STX8: variants seen among roughly 807,000 people sequenced by gnomAD.
STX8 encodes the protein syntaxin 8.
Under a neutral mutation model 37.5 loss-of-function variants are expected in STX8, and 23 were observed. That is an observed-to-expected ratio of 0.61 (90% confidence interval 0.44 to 0.87). The LOEUF is 0.87. Among genes scored for constraint, STX8 ranks in the 40% least tolerant of loss-of-function variants. The probability of loss-of-function intolerance (pLI) is 0.00; values close to 1 mark genes in which losing one functional copy is unlikely to be tolerated. For synonymous variants in STX8, 115 were observed against 99.1 expected (o/e 1.16, Z -0.95); for missense variants, 313 against 284.7 (o/e 1.10, Z -0.71).
intron 6 of STX8, among the ~76,000 whole-genome samples, chr17:9,397,140 G>A (rs1912432530): frequency 6.6e-6 from 1 of 152,244 alleles, no homozygotes; most frequent in Non-Finnish European, 1.5e-5. Context: ...GCCCACGCCT[G>A]TAATCCCAGC....
intron 6 of STX8, among the ~76,000 whole-genome samples, chr17:9,455,898 T>A (rs1336654786): frequency 1.3e-5 from 2 of 152,158 alleles, no homozygotes; most frequent in Non-Finnish European, 2.9e-5. Context: ...AACCAATAAG[T>A]CTAATTAGGA....
intron 6 of STX8, among the ~76,000 whole-genome samples, chr17:9,457,592 G>A (rs1440967547): frequency 6.6e-6 from 1 of 152,226 alleles, no homozygotes; most frequent in East Asian, 1.9e-4. Flanking sequence ...ACAGAGCCTA[G>A]GACATGGATA....
At chr17:9,350,911 A>T (rs1381387001) in intron 7 of STX8, among the ~76,000 whole-genome samples, 1 of 152,204 alleles carries the variant, frequency 6.6e-6, no homozygotes, top group Non-Finnish European at 1.5e-5. Flanking sequence ...AGACCTAGAA[A>T]GAAATTTCAT....
chr17:9,479,764 A>T (rs1906239390), intron 6 of STX8, among the ~76,000 whole-genome samples: 1 of 151,974 alleles, frequency 6.6e-6, no homozygotes, highest in Non-Finnish European at 1.5e-5. Flanking sequence ...ACTTTATAGC[A>T]TAGGGTGATG....
intron 6 of STX8, among the ~76,000 whole-genome samples, chr17:9,404,845 G>A (rs755588542): frequency 4.6e-5 from 7 of 152,078 alleles, no homozygotes; most frequent in East Asian, 3.8e-4. Flanking sequence ...CTTCTTCCTC[G>A]TTGTCTGGCA....
At chr17:9,563,374 G>A (rs1907328447) in intron 2 of STX8, among the ~76,000 whole-genome samples, 1 of 151,844 alleles carries the variant, frequency 6.6e-6, no homozygotes, top group Non-Finnish European at 1.5e-5. Flanking sequence ...AGTAGAGACG[G>A]GGTTTCACCA....
chr17:9,263,403 T>C lies in STX8; in HGVS notation c.644-12758A>G, dbSNP rs527434427. On this transcript the variant is annotated intron_variant, in intron 7 of 7. Transcript: ENST00000306357. ...GCTGAGGCAGGAGATCGCTTGAACCTGGGAGGCGGAGGTTGCAGTGAGCCG... is the reference window on the plus strand; with the variant it reads ...GCTGAGGCAGGAGATCGCTTGAACCCGGGAGGCGGAGGTTGCAGTGAGCCG... Among the ~76,000 whole-genome samples, 66 of 151,082 alleles carry C rather than the reference T, an allele frequency of 4.4e-4. 1 individual carries two copies. In the East Asian group the frequency reaches 0.013, roughly 29 times the overall value.
chr17:9,504,954 A>G, intron 5 of STX8, 84 bp downstream of exon 5: 1 of 1,210,542 alleles, frequency 8.3e-7, no homozygotes, highest in Non-Finnish European at 1.1e-6. Flanking sequence ...AGCCTAGGCG[A>G]CATAGCAAGA....
intron 6 of STX8, among the ~76,000 whole-genome samples, chr17:9,485,226 T>C (rs572578321): frequency 2.0e-5 from 3 of 152,180 alleles, no homozygotes; most frequent in Non-Finnish European, 4.4e-5. Context: ...TATCAGGCTA[T>C]TGCAGTAATC....
intron 6 of STX8, among the ~76,000 whole-genome samples, chr17:9,392,671 A>AGTCTCAGC (rs559358852): frequency 1.1e-3 from 165 of 152,338 alleles, no homozygotes; most frequent in Non-Finnish European, 1.9e-3. Context: ...CTTGAAATAT[A>AGTCTCAGC]GTCTCAGCAA....
At chr17:9,421,017 T>A (rs1913404690) in intron 6 of STX8, among the ~76,000 whole-genome samples, 1 of 152,140 alleles carries the variant, frequency 6.6e-6, no homozygotes. Context: ...ACTATTGCAA[T>A]AACCTCCAAA....
intron 6 of STX8, chr17:9,461,389 A>G (rs1193032094): frequency 6.6e-6 from 1 of 152,180 alleles, no homozygotes; most frequent in Non-Finnish European, 1.5e-5. Context: ...TCCACCTACC[A>G]CCACCCTAGA....
chr17:9,574,814 G>A (rs1176515748), intron 1 of STX8, among the ~76,000 whole-genome samples: 5 of 152,166 alleles, frequency 3.3e-5, no homozygotes, highest in Admixed American at 6.5e-5. Flanking sequence ...GATTACAGGC[G>A]TGAGCCACCA....
At chr17:9,339,608 C>T (rs866383643) in intron 7 of STX8, among the ~76,000 whole-genome samples, 3 of 151,918 alleles carry the variant, frequency 2.0e-5, no homozygotes, top group Admixed American at 6.6e-5. Context: ...GAGCCGAGAT[C>T]GCGCCACTGC....
chr17:9,345,730 G>T (rs1475714048), intron 7 of STX8, among the ~76,000 whole-genome samples: 13 of 137,428 alleles, frequency 9.5e-5, no homozygotes, highest in South Asian at 2.3e-4. Context: ...TTTAAAATTT[G>T]TTCTTTCAGC....
At chr17:9,457,067 T>C (rs1353161361) in intron 6 of STX8, among the ~76,000 whole-genome samples, 2 of 152,202 alleles carry the variant, frequency 1.3e-5, no homozygotes, top group South Asian at 2.1e-4. Flanking sequence ...TGGTAAGAAA[T>C]GCAGGGTTGC....
At chr17:9,553,140 A>C (rs142435079) in intron 3 of STX8, 17 of 152,352 alleles carry the variant, frequency 1.1e-4, no homozygotes, top group Non-Finnish European at 2.2e-4. Flanking sequence ...CTTTAGTACT[A>C]TCTGGAATTT....
intron 6 of STX8, among the ~76,000 whole-genome samples, chr17:9,490,285 G>A (rs1894473200): frequency 6.6e-6 from 1 of 152,206 alleles, no homozygotes; most frequent in Admixed American, 6.5e-5. Context: ...GAATAGAAGT[G>A]TCTGCTGTAG....
At chr17:9,567,744 T>C (rs775898023) in intron 2 of STX8, among the ~76,000 whole-genome samples, 1 of 152,230 alleles carries the variant, frequency 6.6e-6, no homozygotes, top group Non-Finnish European at 1.5e-5. Context: ...GGGAGTGCAG[T>C]GGCACGATCT....
Sources: gnomAD v4.1 joint callset for allele counts (sites outside exome capture counted in the v4.1 genomes callset) on GRCh38, gnomAD v4.1.1 for gene constraint, MANE v1.5 for transcripts, NCBI Gene and HGNC (gene_info 2026-07-23, HGNC 2026-07-21) for gene names.